MYO7A: variants seen among roughly 807,000 people sequenced by gnomAD.
MYO7A encodes the protein myosin VIIA.
In MYO7A, 210 loss-of-function variants were observed where a neutral mutation model predicts 263.8. That is an observed-to-expected ratio of 0.80 (90% CI 0.71 to 0.89). The LOEUF (loss-of-function observed/expected upper bound fraction) is 0.89. Ranked by LOEUF, MYO7A falls within the 40% of genes least tolerant of loss-of-function variation. The pLI is 0.00. For missense variants in MYO7A, 2,820 were observed against 2,968.3 expected (o/e 0.95, Z 1.16); for synonymous variants, 1,239 against 1,197.3 (o/e 1.03, Z -0.72).
At chr11:77,210,309 G>A (rs1449938536) in intron 44 of MYO7A, among the ~76,000 whole-genome samples, 1 of 152,156 alleles carries the variant, frequency 6.6e-6, no homozygotes, top group Admixed American at 6.5e-5. Flanking sequence ...TAGGTAAACT[G>A]GTGGCTCAAT....
intron 2 of MYO7A, among the ~76,000 whole-genome samples, chr11:77,135,095 C>A (rs1950873264): frequency 1.3e-5 from 2 of 152,184 alleles, no homozygotes; most frequent in African/African-American, 4.8e-5. Flanking sequence ...CATTTAACCA[C>A]TTTAAGTACA....
chr11:77,166,262 G>A lies in MYO7A; in HGVS notation c.1797+100G>A. ...CCAACAGCTTCAGCTGAGCCCCCTG[G>A]CCACATAATGGGTATGGAGCTTTGC... On this transcript the variant is annotated intron_variant, in intron 15 of 48. Coordinates refer to ENST00000409709, the MANE Select transcript of MYO7A (RefSeq NM_000260.4). 3.0e-6 allele frequency: 3 copies of A among 1,002,216 alleles called. No homozygotes were observed. In the South Asian group the frequency reaches 4.1e-5, roughly 14 times the overall value. The allele number at this position is 1,002,216 out of a possible 1,614,324, so 62.1% of individuals were successfully genotyped here. A position where few individuals can be genotyped will look rare whatever the true frequency, so the allele number is the denominator to read the frequency against.
At chr11:77,139,469 C>G (rs936140364) in intron 2 of MYO7A, 1 of 152,204 alleles carries the variant, frequency 6.6e-6, no homozygotes, top group Non-Finnish European at 1.5e-5. Context: ...CAAACGAGAT[C>G]TTCCATTCAA....
Position 77,202,430 on chromosome 11 carries a change from G to A in MYO7A, c.5168+6G>A, listed in dbSNP as rs945884503. The A allele has an allele frequency of 2.6e-6, 4 of 1,549,666 alleles. No individual in the cohort carries two copies. The African/African-American group carries it at 4.1e-5, about 16-fold the overall frequency. ...TTTTCCTATGACTACTTCAGGTGAT[G>A]CCTCCTGGGGAAGGATGGGAGCCAC... On this transcript the variant is annotated splice_donor_region_variant and intron_variant, in intron 37 of 48. Transcript: ENST00000409709.
intron 31 of MYO7A, 22 bp from the exon 32 acceptor site, chr11:77,194,332 A>AC (rs758879517): frequency 1.2e-6 from 2 of 1,605,582 alleles, no homozygotes; most frequent in African/African-American, 1.3e-5. Context: ...CCAATGCATG[A>AC]CCGAGGCCTC....
chr11:77,208,042 C>T (rs765302013), intron 42 of MYO7A, among the ~76,000 whole-genome samples: 2 of 152,204 alleles, frequency 1.3e-5, no homozygotes, highest in Non-Finnish European at 2.9e-5. Flanking sequence ...ATGCCTGTCT[C>T]TGTGCCAGAC....
In MYO7A at chr11:77,156,018, C is replaced by T. The variant is rs111033403; in HGVS notation, c.397C>T (p.His133Tyr). Residue 133 changes from histidine (H) to tyrosine (Y), a missense_variant, in exon 5 of 49, where the codon CAC becomes TAC. By Grantham distance (83) the His-to-Tyr change is moderately conservative. Coordinates refer to ENST00000409709, the MANE Select transcript of MYO7A (RefSeq NM_000260.4). ...TNKKIGEMPP[H>Y]IFAIADNCYF... ...CAAGAAGATTGGGGAGATGCCCCCCCACATCTTTGCCATTGCTGACAACTG... is the reference window on the plus strand; with the variant it reads ...CAAGAAGATTGGGGAGATGCCCCCCTACATCTTTGCCATTGCTGACAACTG... 1.9e-6 allele frequency: 3 copies of T among 1,613,842 alleles called. No individual in the cohort carries two copies. Among genetic ancestry groups the T allele is most frequent in the Admixed American group, 1.7e-5 (1 of 59,994 alleles).
In MYO7A at chr11:77,203,119, G is replaced by A. The variant is rs778250602; in HGVS notation, c.5228G>A (p.Arg1743Gln). The A allele has an allele frequency of 1.4e-5, 21 of 1,549,818 alleles. No homozygotes were observed. The highest frequency in any genetic ancestry group is 1.1e-4 in the South Asian group (9 of 84,010). ...GTGTCCAAGGCCCGAGGCAAGGACC[G>A]GCTGTGGAGCCACACGCGGGAACCG... ...VMVSKARGKD[R>Q]LWSHTREPLK... Residue 1743 changes from arginine (R) to glutamine (Q), a missense_variant, in exon 38 of 49, where the codon CGG (arginine) becomes CAG (glutamine). Arg to Gln is a conservative substitution (Grantham distance 43, BLOSUM62 1). Coordinates refer to ENST00000409709, the MANE Select transcript of MYO7A (RefSeq NM_000260.4).
chr11:77,148,047 G>T, intron 4 of MYO7A, 97 bp downstream of exon 4: 2 of 1,143,512 alleles, frequency 1.7e-6, no homozygotes, highest in Non-Finnish European at 2.3e-6. Flanking sequence ...GCCCCGCCCT[G>T]CCGGGGCCCT....
Position 77,181,548 on chromosome 11 carries a change from G to A in MYO7A, c.2863G>A (p.Gly955Ser), listed in dbSNP as rs781988557. ...KMFGFLGTSG[G>S]LPGQEGQAPS... The stretch of plus-strand genomic sequence containing the variant: ...GTTTGGCTTCCTGGGGACTTCAGGT[G>A]GCCTGCCAGGCCAGGAGGGCCAGGC... Residue 955 changes from glycine to serine, a missense_variant, in exon 23 of 49, where the codon GGC becomes AGC. Transcript: ENST00000409709. The A allele has an allele frequency of 9.3e-6, 15 of 1,613,330 alleles. No individual in the cohort carries two copies. Among genetic ancestry groups the A allele is most frequent in the Middle Eastern group, 1.6e-4 (1 of 6,084 alleles).
chr11:77,207,247 G>A (rs1025329777), intron 41 of MYO7A, 42 bp from the exon 42 acceptor site: 2 of 1,464,672 alleles, frequency 1.4e-6, no homozygotes, highest in Non-Finnish European at 1.9e-6. Flanking sequence ...CCAGGTCCCG[G>A]GAAAGGCCCT....
chr11:77,192,401 C>T, intron 31 of MYO7A, 123 bp downstream of exon 31: 4 of 990,434 alleles, frequency 4.0e-6, no homozygotes, highest in Non-Finnish European at 6.2e-6. Flanking sequence ...TGACTGCAAC[C>T]AGGCACTCTT....
chr11:77,181,779 G>GTTTTTT (rs782689084), intron 23 of MYO7A, among the ~76,000 whole-genome samples, 172 bp from the exon 24 acceptor site: 15 of 90,040 alleles, frequency 1.7e-4, no homozygotes, highest in East Asian at 3.6e-4. Context: ...TTTTTTTTTT[G>GTTTTTT]TTTTTTTTTT....
At chr11:77,193,477 A>ATGATGGTGG (rs2135602261) in intron 31 of MYO7A, among the ~76,000 whole-genome samples, 1 of 145,200 alleles carries the variant, frequency 6.9e-6, no homozygotes, top group East Asian at 2.1e-4. Flanking sequence ...GTTGGTAGTG[A>ATGATGGTGG]TGATGGTGGT....
rs371848786 is a variant in MYO7A, at chr11:77,211,308, C to G, written c.6208C>G (p.Arg2070Gly). 6.3e-7 allele frequency: 1 copy of G among 1,582,896 alleles called. No homozygotes were observed. Among genetic ancestry groups the G allele is most frequent in the Non-Finnish European group, 8.6e-7 (1 of 1,164,932 alleles). ...GGAGCTGGTGCCCCAGGACCTTATCCGGCAGGTCTCACCTGATGACTGGAA... is the reference window on the plus strand; with the variant it reads ...GGAGCTGGTGCCCCAGGACCTTATCGGGCAGGTCTCACCTGATGACTGGAA... ...LRELVPQDLI[R>G]QVSPDDWKRS... Residue 2070 changes from arginine to glycine, a missense_variant, in exon 45 of 49, where the codon CGG becomes GGG. Transcript: ENST00000409709.
chr11:77,170,145 T>A (rs1311437025), intron 15 of MYO7A, among the ~76,000 whole-genome samples: 1 of 152,066 alleles, frequency 6.6e-6, no homozygotes, highest in East Asian at 1.9e-4. Context: ...AGATGTAGTA[T>A]GGGGAAAGAT....
intron 12 of MYO7A, 23 bp from the exon 13 acceptor site, chr11:77,162,097 A>C: frequency 1.9e-6 from 3 of 1,575,862 alleles, no homozygotes; most frequent in Non-Finnish European, 2.6e-6. Flanking sequence ...CAACACCCTT[A>C]CCCCATCCCT....
At chr11:77,177,671 C>T (rs1555080849) in intron 19 of MYO7A, 28 bp downstream of exon 19, 1 of 1,564,088 alleles carries the variant, frequency 6.4e-7, no homozygotes, top group East Asian at 2.3e-5. Flanking sequence ...CTCCTCCCCT[C>T]CTCAGCCCAC....
In MYO7A at chr11:77,183,046, C is replaced by G. The variant is rs1028657566; in HGVS notation, c.3286-22C>G. 3.4e-5 allele frequency: 52 copies of G among 1,548,542 alleles called. No homozygotes were observed. The Middle Eastern group carries it at 5.0e-4, about 15-fold the overall frequency. On this transcript the variant is annotated intron_variant, in intron 25 of 48. Transcript: ENST00000409709. ...TTGCTTTCTGCTCAGCCACTTGACCCTGATCCCTGCTGGTCCTGCAGGCCC... is the reference window on the plus strand; with the variant it reads ...TTGCTTTCTGCTCAGCCACTTGACCGTGATCCCTGCTGGTCCTGCAGGCCC...
Sources: allele counts gnomAD v4.1 joint callset (sites outside exome capture counted in the v4.1 genomes callset), GRCh38; gene constraint gnomAD v4.1.1; transcripts MANE v1.5; gene names NCBI Gene and HGNC (gene_info 2026-07-23, HGNC 2026-07-21).